YTHDF3: variants seen among roughly 807,000 people sequenced by gnomAD.
The protein encoded by YTHDF3 is YTH domain-containing family protein 3.
A neutral mutation model predicts 52.5 loss-of-function variants in YTHDF3; 9 were observed. The observed-to-expected ratio is 0.17, with a 90% CI of 0.10 to 0.30. The LOEUF is 0.30. Ranked by LOEUF, YTHDF3 falls within the 10% of genes least tolerant of loss-of-function variation. The pLI is 1.00. For missense variants in YTHDF3, 534 were observed against 715.0 expected (o/e 0.75, Z 2.89); for synonymous variants, 274 against 243.3 (o/e 1.13, Z -1.18).
rs1040484289 is a variant in YTHDF3, at chr8:63,210,871, T to G, written c.*1165T>G. The G allele has an allele frequency of 2.0e-5, 3 of 152,604 alleles. No individual in the cohort carries two copies. Among genetic ancestry groups the G allele is most frequent in the Admixed American group, 1.3e-4 (2 of 15,284 alleles). The allele number at this position is 152,604 out of a possible 1,614,324, so 9.5% of individuals were successfully genotyped here. On this transcript the variant is annotated 3_prime_UTR_variant, in exon 5 of 5. Coordinates refer to ENST00000539294, the MANE Select transcript of YTHDF3 (RefSeq NM_152758.6). The stretch of plus-strand genomic sequence containing the variant: ...TAATTACATATCAACATTAATTTTG[T>G]ATCTTGAAGCAAATTGATTTTGTAT...
chr8:63,178,924 TATTTA>T (rs1307071046), intron 3 of YTHDF3, among the ~76,000 whole-genome samples: 1 of 152,116 alleles, frequency 6.6e-6, no homozygotes, highest in Non-Finnish European at 1.5e-5. Context: ...GTTACACAAC[TATTTA>T]ATTAGGTCCT....
At chr8:63,181,788 A>G (rs921146252) in intron 3 of YTHDF3, among the ~76,000 whole-genome samples, 1 of 152,220 alleles carries the variant, frequency 6.6e-6, no homozygotes, top group Non-Finnish European at 1.5e-5. Flanking sequence ...AGTATCTGGC[A>G]CATATAGCAT....
At chr8:63,172,138 CA>C (rs1427607318) in intron 2 of YTHDF3, among the ~76,000 whole-genome samples, 2 of 152,032 alleles carry the variant, frequency 1.3e-5, no homozygotes, top group African/African-American at 4.8e-5. Context: ...AGAGTAGTAC[CA>C]AAGGATAGTA....
intron 4 of YTHDF3, among the ~76,000 whole-genome samples, chr8:63,194,025 GTTTT>G (rs34053682): frequency 2.8e-5 from 4 of 143,602 alleles, no homozygotes; most frequent in African/African-American, 1.0e-4. Flanking sequence ...GCAATCAATA[GTTTT>G]TTTTTTTTTT....
intron 4 of YTHDF3, among the ~76,000 whole-genome samples, chr8:63,193,816 G>C (rs1809067690): frequency 6.6e-6 from 1 of 152,166 alleles, no homozygotes; most frequent in Admixed American, 6.5e-5. Flanking sequence ...TAAGAAGTTT[G>C]ACAGTATCAA....
chr8:63,184,069 A>G (rs925117025), intron 3 of YTHDF3, among the ~76,000 whole-genome samples: 1 of 152,244 alleles, frequency 6.6e-6, no homozygotes, highest in Non-Finnish European at 1.5e-5. Flanking sequence ...TACAGATGCA[A>G]CTATTCATTT....
intron 4 of YTHDF3, among the ~76,000 whole-genome samples, chr8:63,206,874 T>C (rs187286809): frequency 6.6e-6 from 1 of 152,212 alleles, no homozygotes; most frequent in Non-Finnish European, 1.5e-5. Context: ...TTCCTTGTTA[T>C]CTGTTTTGTT....
intron 2 of YTHDF3, among the ~76,000 whole-genome samples, chr8:63,171,122 TC>T (rs1807296076): frequency 6.6e-6 from 1 of 152,162 alleles, no homozygotes; most frequent in Non-Finnish European, 1.5e-5. Context: ...TTTCTTTCTT[TC>T]CCCCTTGTTG....
intron 4 of YTHDF3, among the ~76,000 whole-genome samples, chr8:63,199,074 G>T (rs1809424936): frequency 6.6e-6 from 1 of 152,008 alleles, no homozygotes; most frequent in Non-Finnish European, 1.5e-5. Flanking sequence ...TTCTGAACTT[G>T]GTAAATATTT....
At chr8:63,169,107 T>G (rs965813980) in intron 1 of YTHDF3, 5 of 1,372,860 alleles carry the variant, frequency 3.6e-6, no homozygotes, top group East Asian at 3.0e-5. Context: ...CCGCGGCGGG[T>G]GGGGGCAAGG....
rs576072115 is a variant in YTHDF3 at position 63,168,653 on chromosome 8, C to T, written c.-225C>T. ...GGGAGTCTGTCCGCCATTGTGGACC[C>T]GAGAAGCAGAGAGCGAGAGGGGGAA... On this transcript the variant is annotated 5_prime_UTR_variant, in exon 1 of 5. Transcript: ENST00000539294. The T allele has an allele frequency of 3.8e-6, 3 of 780,338 alleles. No homozygotes were observed. Among genetic ancestry groups the T allele is most frequent in the Non-Finnish European group, 4.1e-6 (2 of 492,546 alleles). The allele number at this position is 780,338 out of a possible 1,614,324, so 48.3% of individuals were successfully genotyped here. A position where few individuals can be genotyped will look rare whatever the true frequency, so the allele number is the denominator to read the frequency against.
At position 63,209,990 on chromosome 8, in the gene YTHDF3, A is replaced by G. The variant is rs950160934; in HGVS notation, c.*284A>G. The stretch of plus-strand genomic sequence containing the variant: ...TAATTATGCATCCTAGCTAAGGCAC[A>G]GAAGACTGAATGAATGCAAGGATTC... On this transcript the variant is annotated 3_prime_UTR_variant, in exon 5 of 5. Coordinates refer to ENST00000539294, the MANE Select transcript of YTHDF3 (RefSeq NM_152758.6). The G allele has an allele frequency of 1.2e-5, 4 of 324,898 alleles. No individual in the cohort carries two copies. In the South Asian group the frequency reaches 3.3e-4, roughly 27 times the overall value. The allele number at this position is 324,898 out of a possible 1,614,324, so 20.1% of individuals were successfully genotyped here.
chr8:63,179,642 TC>T (rs1807944871), intron 3 of YTHDF3, among the ~76,000 whole-genome samples: 1 of 152,140 alleles, frequency 6.6e-6, no homozygotes, highest in African/African-American at 2.4e-5. Flanking sequence ...ACGGCAACCA[TC>T]CGATTTCTCA....
intron 4 of YTHDF3, among the ~76,000 whole-genome samples, chr8:63,191,300 T>A (rs1808898313): frequency 6.6e-6 from 1 of 152,210 alleles, no homozygotes; most frequent in Non-Finnish European, 1.5e-5. Flanking sequence ...TCTTTGCCCT[T>A]GAGTTCTGTT....
chr8:63,201,954 G>C (rs1310046053), intron 4 of YTHDF3, among the ~76,000 whole-genome samples: 1 of 152,130 alleles, frequency 6.6e-6, no homozygotes, highest in African/African-American at 2.4e-5. Context: ...CACACATCTT[G>C]TATTCTAATC....
At chr8:63,195,171 A>G (rs1003702473) in intron 4 of YTHDF3, among the ~76,000 whole-genome samples, 5 of 152,184 alleles carry the variant, frequency 3.3e-5, no homozygotes, top group Non-Finnish European at 5.9e-5. Flanking sequence ...TGAAGCTTCA[A>G]ATTGTCGGAG....
intron 4 of YTHDF3, among the ~76,000 whole-genome samples, chr8:63,197,805 A>ATT (rs1809335748): frequency 6.6e-6 from 1 of 152,210 alleles, no homozygotes; most frequent in Admixed American, 6.5e-5. Flanking sequence ...TCCTGAGTAT[A>ATT]TTTGTCCAGT....
Position 63,181,001 on chromosome 8 carries a change from AT to A in YTHDF3, c.136-5144del, listed in dbSNP as rs1166329296. 2.6e-5 allele frequency among the ~76,000 whole-genome samples: 4 copies of A among 152,328 alleles called. No homozygotes were observed. In the South Asian group the frequency reaches 8.3e-4, roughly 32 times the overall value. On this transcript the variant is annotated intron_variant, in intron 3 of 4. Transcript: ENST00000539294. ...GGGAGAGGGTCCTTCATTTCTTAAA[AT>A]TAGTTCTTTATAGTTCTTCAGAATA...
chr8:63,189,243 G>T (rs767781744), intron 4 of YTHDF3, among the ~76,000 whole-genome samples: 1 of 152,022 alleles, frequency 6.6e-6, no homozygotes, highest in Non-Finnish European at 1.5e-5. Flanking sequence ...GCCCATATGG[G>T]GATTAGCCCC....
Sources: allele counts gnomAD v4.1 joint callset (sites outside exome capture counted in the v4.1 genomes callset), GRCh38; gene constraint gnomAD v4.1.1; transcripts MANE v1.5; gene names NCBI Gene and HGNC (gene_info 2026-07-23, HGNC 2026-07-21).